COL4A4: variants seen among roughly 807,000 people sequenced by gnomAD.
COL4A4 encodes collagen type IV alpha 4 chain.
Under a neutral mutation model 192.9 loss-of-function variants are expected in COL4A4, and 105 were observed. The ratio of observed to expected loss-of-function variants is 0.54; its 90% CI spans 0.46 to 0.64. COL4A4 has a LOEUF of 0.64. Among genes scored for constraint, COL4A4 ranks in the 30% least tolerant of loss-of-function variants. The pLI is 0.00. For missense variants in COL4A4, 1,967 were observed against 2,169.3 expected (o/e 0.91, Z 1.85); for synonymous variants, 762 against 769.9 (o/e 0.99, Z 0.17).
At chr2:227,099,440 T>C (rs186557639) in intron 18 of COL4A4, among the ~76,000 whole-genome samples, 180 bp downstream of exon 18, 1 of 152,332 alleles carries the variant, frequency 6.6e-6, no homozygotes, top group Admixed American at 6.5e-5. Context: ...AATCCCAGCA[T>C]ACAGTATATG....
At chr2:227,025,052 T>C (rs1966741093) in intron 43 of COL4A4, among the ~76,000 whole-genome samples, 1 of 152,238 alleles carries the variant, frequency 6.6e-6, no homozygotes, top group South Asian at 2.1e-4. Flanking sequence ...TTTTTGATTT[T>C]GCTTTTCTTT....
intron 44 of COL4A4, among the ~76,000 whole-genome samples, chr2:227,018,879 T>C (rs1405098760): frequency 2.0e-5 from 3 of 152,218 alleles, no homozygotes; most frequent in African/African-American, 7.2e-5. Context: ...ACATAAGCAC[T>C]AGACCATCTT....
chr2:227,052,474 TTACTAC>T, intron 31 of COL4A4, 62 bp from the exon 32 acceptor site: 1 of 995,596 alleles, frequency 1.0e-6, no homozygotes, highest in Non-Finnish European at 1.6e-6. Flanking sequence ...AATTTATCCA[TTACTAC>T]ATTTCACTCC....
intron 15 of COL4A4, 63 bp from the exon 16 acceptor site, chr2:227,101,972 G>A: frequency 1.6e-6 from 2 of 1,227,372 alleles, no homozygotes; most frequent in South Asian, 2.6e-5. Context: ...CCAGCTCAGT[G>A]CATCATTTTT....
At chr2:227,042,355 ACTGT>A in intron 36 of COL4A4, 100 bp from the exon 37 acceptor site, 1 of 725,200 alleles carries the variant, frequency 1.4e-6, no homozygotes, top group Admixed American at 2.0e-5. Context: ...AACGGAGAAC[ACTGT>A]CTAATTACTT....
chr2:227,049,508 G>A (rs1973590034), intron 34 of COL4A4, among the ~76,000 whole-genome samples: 1 of 152,038 alleles, frequency 6.6e-6, no homozygotes, highest in Admixed American at 6.5e-5. Flanking sequence ...GTTATGATCT[G>A]GCCCTTTAGG....
chr2:227,106,047 G>GAA lies in COL4A4; in HGVS notation c.736-1997_736-1996dup, dbSNP rs11435858. On this transcript the variant is annotated intron_variant, in intron 12 of 47. Transcript: ENST00000396625. ...TTTAGAAGAATATCAAGTTTAAATA[G>GAA]AAAAAAAAAAAAGAGTTCAATTTCT... Among the ~76,000 whole-genome samples, 536 of 143,310 alleles carry GAA rather than the reference G, an allele frequency of 3.7e-3. 5 individuals are homozygous for GAA. Among genetic ancestry groups the GAA allele is most frequent in the African/African-American group, 0.011 (420 of 39,334 alleles). 94.0% of individuals were successfully genotyped at this position (143,310 alleles called of 152,430 possible).
In COL4A4 at chr2:227,022,031, C is replaced by T; in HGVS notation, c.4216+17G>A. 1 of 1,607,086 alleles carries T rather than the reference C, an allele frequency of 6.2e-7. No individual in the cohort carries two copies. Among genetic ancestry groups the T allele is most frequent in the Non-Finnish European group, 8.5e-7 (1 of 1,176,850 alleles). On this transcript the variant is annotated intron_variant, in intron 44 of 47. Coordinates refer to ENST00000396625, the MANE Select transcript of COL4A4 (RefSeq NM_000092.5). ...ATATATCATGAAAATAATGAACAAT[C>T]AGCATGCGGCTCATACCTGGTCCTG...
intron 1 of COL4A4, among the ~76,000 whole-genome samples, chr2:227,156,180 C>T (rs113679132): frequency 5.3e-5 from 8 of 152,174 alleles, no homozygotes; most frequent in African/African-American, 1.9e-4. Context: ...GGATGGATCA[C>T]TTGAGCCCAG....
intron 24 of COL4A4, among the ~76,000 whole-genome samples, chr2:227,080,092 C>T (rs373205344): frequency 1.3e-5 from 2 of 152,104 alleles, no homozygotes; most frequent in African/African-American, 4.8e-5. Context: ...CATCGGGACC[C>T]GAGCTCCATC....
chr2:226,986,887 T>C, the COL4A4 span, among the ~76,000 whole-genome samples: 1 of 152,340 alleles, frequency 6.6e-6, no homozygotes, highest in East Asian at 1.9e-4. Context: ...CGTGTGTGCT[T>C]ATTGTAGCAC....
intron 4 of COL4A4, among the ~76,000 whole-genome samples, chr2:227,127,118 A>G (rs956387306): frequency 2.6e-5 from 4 of 152,224 alleles, no homozygotes; most frequent in Admixed American, 1.3e-4. Context: ...CAGTCTAGCA[A>G]AAAGAGAAAA....
At chr2:227,056,684 A>T (rs1975443856) in intron 29 of COL4A4, among the ~76,000 whole-genome samples, 1 of 152,264 alleles carries the variant, frequency 6.6e-6, no homozygotes, top group Admixed American at 6.5e-5. Context: ...TCCCTCCAAA[A>T]TTCATATGTT....
chr2:227,001,068 G>A (rs1424769419), downstream of COL4A4, among the ~76,000 whole-genome samples: 1 of 151,824 alleles, frequency 6.6e-6, no homozygotes, highest in Non-Finnish European at 1.5e-5. Context: ...TAATACAGGA[G>A]ACACGGCTGG....
At position 227,003,777 on chromosome 2, in the gene COL4A4, A is replaced by AGG. The variant is rs1961498021; in HGVS notation, c.*3546_*3547dup. On this transcript the variant is annotated 3_prime_UTR_variant, in exon 48 of 48. Transcript: ENST00000396625. ...GGTAAGTCATGTCACATTTTACTGAAGGGTCTTCTCAGTCGGATCTCTCAA... is the reference window on the plus strand; with the variant it reads ...GGTAAGTCATGTCACATTTTACTGAAGGGGGTCTTCTCAGTCGGATCTCTCAA... The AGG allele has an allele frequency of 6.6e-6, 1 of 152,172 alleles. No homozygotes were observed. The highest frequency in any genetic ancestry group is 2.4e-5 in the African/African-American group (1 of 41,432). 9.4% of individuals were successfully genotyped at this position (152,172 alleles called of 1,614,324 possible).
chr2:227,079,981 T>A (rs1178614745), intron 24 of COL4A4, among the ~76,000 whole-genome samples: 3 of 152,186 alleles, frequency 2.0e-5, no homozygotes, highest in East Asian at 3.8e-4. Context: ...AGATTTTCCA[T>A]CAGCCAACGC....
intron 26 of COL4A4, 58 bp from the exon 27 acceptor site, chr2:227,060,301 A>C: frequency 3.5e-6 from 4 of 1,152,430 alleles, no homozygotes; most frequent in Non-Finnish European, 5.2e-6. Context: ...ATGTGAACAA[A>C]ATGAGATGAT....
intron 4 of COL4A4, among the ~76,000 whole-genome samples, chr2:227,124,035 A>G (rs926840403): frequency 1.3e-5 from 2 of 152,212 alleles, no homozygotes; most frequent in African/African-American, 4.8e-5. Context: ...GCCTGGCATA[A>G]CAAATGCTAA....
chr2:227,120,964 G>A, intron 5 of COL4A4, 50 bp downstream of exon 5: 1 of 1,612,190 alleles, frequency 6.2e-7, no homozygotes, highest in Non-Finnish European at 8.5e-7. Context: ...AAATGGTGCA[G>A]TAGTGCTGGT....
Sources: gnomAD v4.1 joint callset for allele counts (sites outside exome capture counted in the v4.1 genomes callset) on GRCh38, gnomAD v4.1.1 for gene constraint, MANE v1.5 for transcripts, NCBI Gene and HGNC (gene_info 2026-07-23, HGNC 2026-07-21) for gene names.